The following CERS6 variants were observed in gnomAD, a reference collection of about 807,000 sequenced individuals.
CERS6 encodes LAG1 homolog, ceramide synthase 6.
CERS6 carries 26 observed loss-of-function variants against 56.8 expected under a neutral mutation model. The ratio of observed to expected loss-of-function variants is 0.46; its 90% CI spans 0.34 to 0.63. The LOEUF is 0.63. Ranked by LOEUF, CERS6 falls within the 30% of genes least tolerant of loss-of-function variation. The pLI, the probability that CERS6 is intolerant of heterozygous loss-of-function variation, is 0.01. For synonymous variants in CERS6, 164 were observed against 173.3 expected (o/e 0.95, Z 0.42); for missense variants, 415 against 467.5 (o/e 0.89, Z 1.04).
intron 2 of CERS6, among the ~76,000 whole-genome samples, chr2:168,551,347 ACTC>A (rs756503876): frequency 1.3e-5 from 2 of 151,836 alleles, no homozygotes; most frequent in African/African-American, 2.4e-5. Context: ...TATAGAAACT[ACTC>A]CTATTGTAAA....
intron 4 of CERS6, among the ~76,000 whole-genome samples, chr2:168,671,481 A>G (rs1685915968): frequency 6.6e-6 from 1 of 152,110 alleles, no homozygotes; most frequent in Non-Finnish European, 1.5e-5. Flanking sequence ...GTTTTTGATT[A>G]CTTCCTGTTT....
intron 3 of CERS6, among the ~76,000 whole-genome samples, chr2:168,612,284 T>G (rs1007548394): frequency 6.6e-6 from 1 of 152,228 alleles, no homozygotes; most frequent in African/African-American, 2.4e-5. Context: ...GTAGAAGATT[T>G]AAGACACAGA....
chr2:168,675,965 G>C (rs183810349), intron 4 of CERS6, among the ~76,000 whole-genome samples: 1 of 152,140 alleles, frequency 6.6e-6, no homozygotes, highest in Non-Finnish European at 1.5e-5. Context: ...GATTACAGGC[G>C]TGAGTCACTG....
chr2:168,555,722 CTGTGTGTGTG>C (rs58781728), intron 2 of CERS6, among the ~76,000 whole-genome samples: 255 of 140,842 alleles, frequency 1.8e-3, no homozygotes, highest in South Asian at 2.3e-3. Context: ...ATAATTGACT[CTGTGTGTGTG>C]TGTGTGTGTG....
At chr2:168,690,534 G>A (rs1034266497) in intron 4 of CERS6, among the ~76,000 whole-genome samples, 1 of 152,166 alleles carries the variant, frequency 6.6e-6, no homozygotes, top group African/African-American at 2.4e-5. Flanking sequence ...GTGAGGGTTA[G>A]TCTTAAGTGT....
At chr2:168,606,543 C>A (rs1684057999) in intron 3 of CERS6, 1 of 152,092 alleles carries the variant, frequency 6.6e-6, no homozygotes, top group Non-Finnish European at 1.5e-5. Flanking sequence ...AAGGAATTAG[C>A]CTTGTCTCAG....
intron 3 of CERS6, among the ~76,000 whole-genome samples, chr2:168,626,456 T>A (rs959893836): frequency 2.0e-5 from 3 of 152,216 alleles, no homozygotes; most frequent in African/African-American, 7.2e-5. Flanking sequence ...CTGCTTCAAA[T>A]GCACATTTTA....
intron 4 of CERS6, among the ~76,000 whole-genome samples, chr2:168,684,455 ATTTC>A (rs1227744719): frequency 3.9e-5 from 6 of 152,334 alleles, no homozygotes; most frequent in African/African-American, 1.4e-4. Flanking sequence ...AATATGAAAT[ATTTC>A]TTTGTCTTCC....
At chr2:168,650,597 G>GC (rs1394634952) in intron 4 of CERS6, among the ~76,000 whole-genome samples, 1 of 151,868 alleles carries the variant, frequency 6.6e-6, no homozygotes, top group Non-Finnish European at 1.5e-5. Context: ...TACTCTCCCA[G>GC]CCCCCTTTGT....
At chr2:168,656,979 G>A (rs996838079) in intron 4 of CERS6, among the ~76,000 whole-genome samples, 2 of 152,138 alleles carry the variant, frequency 1.3e-5, no homozygotes, top group Admixed American at 6.5e-5. Flanking sequence ...ACAGAGTGTC[G>A]ATTGGTGCAG....
At chr2:168,658,691 A>G (rs898131552) in intron 4 of CERS6, among the ~76,000 whole-genome samples, 25 of 152,228 alleles carry the variant, frequency 1.6e-4, no homozygotes, top group African/African-American at 5.5e-4. Flanking sequence ...TATATGTATT[A>G]TTCATTTATT....
intron 4 of CERS6, among the ~76,000 whole-genome samples, chr2:168,655,073 A>C (rs547821328): frequency 6.6e-6 from 1 of 152,350 alleles, no homozygotes; most frequent in Admixed American, 6.5e-5. Context: ...AAAGTGGGCA[A>C]AGGACCTGAA....
chr2:168,596,101 A>T lies in CERS6; in HGVS notation c.407+34779A>T, dbSNP rs1005053569. ...CTGTCTCAAAAAAAAAAAAAAGGAT[A>T]AAAATAAAAATTATCATTAAACTGC... On this transcript the variant is annotated intron_variant, in intron 3 of 9. Transcript: ENST00000305747. 2.7e-5 allele frequency among the ~76,000 whole-genome samples: 4 copies of T among 150,754 alleles called. No individual in the cohort carries two copies. In the South Asian group the frequency reaches 6.3e-4, roughly 24 times the overall value.
At chr2:168,524,473 G>C (rs1156622193) in intron 1 of CERS6, among the ~76,000 whole-genome samples, 1 of 152,136 alleles carries the variant, frequency 6.6e-6, no homozygotes, top group Non-Finnish European at 1.5e-5. Flanking sequence ...CTCCATGCTG[G>C]GTCAAGCTGA....
At position 168,774,096 on chromosome 2, in the gene CERS6, T is replaced by C. The variant is rs931530908; in HGVS notation, c.*4434T>C. 1.3e-5 allele frequency: 2 copies of C among 152,164 alleles called. No individual in the cohort carries two copies. The highest frequency in any genetic ancestry group is 2.9e-5 in the Non-Finnish European group (2 of 68,034). The allele number at this position is 152,164 out of a possible 1,614,324, so 9.4% of individuals were successfully genotyped here. A position where few individuals can be genotyped will look rare whatever the true frequency, so the allele number is the denominator to read the frequency against. ...CAACTTGAGTTCAACCCAAAGCCTTTGAAAGGAATGCATTACCACATGACC... is the reference window on the plus strand; with the variant it reads ...CAACTTGAGTTCAACCCAAAGCCTTCGAAAGGAATGCATTACCACATGACC... On this transcript the variant is annotated 3_prime_UTR_variant, in exon 10 of 10. Coordinates refer to ENST00000305747, the MANE Select transcript of CERS6 (RefSeq NM_203463.3).
At chr2:168,582,302 C>T (rs1683432831) in intron 3 of CERS6, among the ~76,000 whole-genome samples, 1 of 152,142 alleles carries the variant, frequency 6.6e-6, no homozygotes, top group South Asian at 2.1e-4. Flanking sequence ...AAAACAGAAA[C>T]CCAGATTAAC....
intron 2 of CERS6, among the ~76,000 whole-genome samples, chr2:168,553,167 A>G (rs1431481572): frequency 6.6e-6 from 1 of 152,164 alleles, no homozygotes; most frequent in Non-Finnish European, 1.5e-5. Flanking sequence ...AGAATATGGA[A>G]GATAGAAAGA....
intron 1 of CERS6, among the ~76,000 whole-genome samples, chr2:168,470,523 A>G (rs1402689774): frequency 4.6e-5 from 7 of 152,140 alleles, no homozygotes. Context: ...TGAGGGCAGA[A>G]CTGTGTCTGT....
In CERS6 at chr2:168,774,849, G is replaced by A. The variant is rs567523702; in HGVS notation, c.*5187G>A. On this transcript the variant is annotated 3_prime_UTR_variant, in exon 10 of 10. Transcript: ENST00000305747. ...CACAGCCGTTTGTTGTCATAGAAGG[G>A]GTGGTGGTGTTTGGATTTGATTTTT... The A allele has an allele frequency of 3.2e-4, 48 of 152,258 alleles. No individual in the cohort carries two copies. The highest frequency in any genetic ancestry group is 1.1e-3 in the African/African-American group (47 of 41,554). The allele number at this position is 152,258 out of a possible 1,614,324, so 9.4% of individuals were successfully genotyped here. A position where few individuals can be genotyped will look rare whatever the true frequency, so the allele number is the denominator to read the frequency against.
Sources: gnomAD v4.1 joint callset for allele counts (sites outside exome capture counted in the v4.1 genomes callset) on GRCh38, gnomAD v4.1.1 for gene constraint, MANE v1.5 for transcripts, NCBI Gene and HGNC (gene_info 2026-07-23, HGNC 2026-07-21) for gene names.